The following GRAMD2B variants were observed in gnomAD, a reference collection of about 807,000 sequenced individuals.
GRAMD2B encodes GRAM domain-containing protein 2B.
Under a neutral mutation model 59.2 loss-of-function variants are expected in GRAMD2B, and 41 were observed. That is an observed-to-expected ratio of 0.69 (90% CI 0.54 to 0.90). GRAMD2B has a LOEUF of 0.90. Among genes scored for constraint, GRAMD2B ranks in the 40% least tolerant of loss-of-function variants. The pLI, the probability that GRAMD2B is intolerant of heterozygous loss-of-function variation, is 0.00. For missense variants in GRAMD2B, 424 were observed against 500.5 expected (o/e 0.85, Z 1.46); for synonymous variants, 161 against 182.7 (o/e 0.88, Z 0.96).
chr5:126,394,353 G>A (rs1269907663), intron 1 of GRAMD2B, among the ~76,000 whole-genome samples: 3 of 152,084 alleles, frequency 2.0e-5, no homozygotes. Flanking sequence ...AGAAAGTAGG[G>A]CATGAGTATC....
intron 1 of GRAMD2B, among the ~76,000 whole-genome samples, chr5:126,381,388 T>C (rs1013906114): frequency 6.6e-6 from 1 of 152,148 alleles, no homozygotes; most frequent in Non-Finnish European, 1.5e-5. Flanking sequence ...TTCCTGGTTT[T>C]GGTACTGGGG....
At chr5:126,381,667 A>G (rs1755668342) in intron 1 of GRAMD2B, among the ~76,000 whole-genome samples, 1 of 152,038 alleles carries the variant, frequency 6.6e-6, no homozygotes, top group Non-Finnish European at 1.5e-5. Context: ...TTTTAACTGG[A>G]GCATTTAGGC....
intron 1 of GRAMD2B, among the ~76,000 whole-genome samples, chr5:126,415,172 G>T (rs952127397): frequency 8.5e-5 from 13 of 152,120 alleles, no homozygotes; most frequent in African/African-American, 2.7e-4. Flanking sequence ...GGGATGCAGG[G>T]GGTGGACAAT....
At chr5:126,473,734 T>A (rs549344912) in intron 5 of GRAMD2B, among the ~76,000 whole-genome samples, 3 of 152,286 alleles carry the variant, frequency 2.0e-5, no homozygotes, top group African/African-American at 4.8e-5. Context: ...TAAACCAAAA[T>A]CATTTCTTTT....
chr5:126,447,865 T>G (rs185342198), intron 1 of GRAMD2B, among the ~76,000 whole-genome samples: 6 of 136,682 alleles, frequency 4.4e-5, no homozygotes, highest in African/African-American at 1.8e-4. Flanking sequence ...TTTATAATTT[T>G]TTTTTTTTTT....
At chr5:126,375,067 G>C (rs1247338507) in intron 1 of GRAMD2B, among the ~76,000 whole-genome samples, 3 of 151,980 alleles carry the variant, frequency 2.0e-5, no homozygotes. Context: ...CATTTATTTA[G>C]GTTTTCTTTA....
At chr5:126,471,230 C>A (rs1055443353) in intron 3 of GRAMD2B, among the ~76,000 whole-genome samples, 1 of 152,128 alleles carries the variant, frequency 6.6e-6, no homozygotes, top group Non-Finnish European at 1.5e-5. Context: ...TCAGAAGCAT[C>A]CCGTGAGGCA....
rs1255165341 is a variant in GRAMD2B at position 126,483,978 on chromosome 5, G to A, written c.847+404G>A. Among the ~76,000 whole-genome samples, 6 of 152,242 alleles carry A rather than the reference G, an allele frequency of 3.9e-5. No homozygotes were observed. The South Asian group carries it at 1.0e-3, about 26-fold the overall frequency. ...TGAGTAGCTGGGATTACAGGCATGC[G>A]CCATCAAGCCCGGCTAATTTTTGTT... On this transcript the variant is annotated intron_variant, in intron 9 of 13. Transcript: ENST00000285689.
intron 11 of GRAMD2B, 80 bp downstream of exon 11, chr5:126,485,853 C>T: frequency 1.2e-6 from 1 of 805,116 alleles, no homozygotes; most frequent in Non-Finnish European, 2.0e-6. Context: ...ACTGCCAAGA[C>T]CTACTGTAAA....
rs1768152610 is a variant in GRAMD2B at position 126,465,478 on chromosome 5, A to G, written c.136A>G (p.Thr46Ala). ...GAAAAAGAAAGCCTGCAGGTCGCCA[A>G]CAGCCCAATCCCCTACCCCATCTGT... ...EEKKKACRSP[T>A]AQSPTPSVEA... is the part of the protein sequence containing the mutation. Residue 46 changes from threonine (T) to alanine (A), a missense_variant, in exon 2 of 14, where the codon ACA becomes GCA. By Grantham distance (58) the Thr-to-Ala change is moderately conservative. Transcript: ENST00000285689. The G allele has an allele frequency of 5.6e-6, 9 of 1,614,072 alleles. No homozygotes were observed. Among genetic ancestry groups the G allele is most frequent in the Admixed American group, 1.7e-5 (1 of 60,002 alleles).
At chr5:126,472,093 A>T in intron 3 of GRAMD2B, 145 bp from the exon 4 acceptor site, 1 of 620,032 alleles carries the variant, frequency 1.6e-6, no homozygotes, top group Non-Finnish European at 2.9e-6. Flanking sequence ...GTTTTACTGA[A>T]GGCTTGTGTC....
At chr5:126,396,540 G>T (rs994760923) in intron 1 of GRAMD2B, among the ~76,000 whole-genome samples, 5 of 152,142 alleles carry the variant, frequency 3.3e-5, no homozygotes, top group African/African-American at 1.2e-4. Context: ...AGTATTGCAT[G>T]GTGTATATGT....
chr5:126,444,480 G>C (rs1004452003), intron 1 of GRAMD2B, among the ~76,000 whole-genome samples: 4 of 152,154 alleles, frequency 2.6e-5, no homozygotes, highest in Non-Finnish European at 5.9e-5. Context: ...AAGATAAGGG[G>C]ACAGGTGCCC....
intron 12 of GRAMD2B, 81 bp from the exon 13 acceptor site, chr5:126,488,718 T>C: frequency 1.0e-6 from 1 of 956,582 alleles, no homozygotes; most frequent in Admixed American, 2.2e-5. Context: ...AATTTTCTGT[T>C]CAAATAAATT....
In GRAMD2B at chr5:126,423,521, C is replaced by G; in HGVS notation, c.-86C>G. The G allele has an allele frequency of 6.4e-7, 1 of 1,551,752 alleles. No homozygotes were observed. Among genetic ancestry groups the G allele is most frequent in the Non-Finnish European group, 8.7e-7 (1 of 1,150,530 alleles). On this transcript the variant is annotated 5_prime_UTR_variant, in exon 1 of 14. Coordinates refer to ENST00000285689, the MANE Select transcript of GRAMD2B (RefSeq NM_023927.4). ...GAGGGCACGGCGCCGCTTGCTTGGC[C>G]TGCGCACCCGGACCTAGAAGCCGGG...
chr5:126,369,063 A>T (rs542416220), upstream of GRAMD2B, among the ~76,000 whole-genome samples: 24 of 152,026 alleles, frequency 1.6e-4, no homozygotes, highest in Non-Finnish European at 2.8e-4. Context: ...CCTCTACTTC[A>T]CCAACAAACT....
At chr5:126,404,750 A>G (rs1334304441) in intron 1 of GRAMD2B, among the ~76,000 whole-genome samples, 2 of 151,912 alleles carry the variant, frequency 1.3e-5, no homozygotes, top group African/African-American at 4.8e-5. Context: ...AGAGGAGGAG[A>G]GGAAGAGGAG....
intron 1 of GRAMD2B, among the ~76,000 whole-genome samples, chr5:126,462,618 A>C (rs1034853632): frequency 6.6e-6 from 1 of 152,214 alleles, no homozygotes; most frequent in Admixed American, 6.5e-5. Context: ...CACTGTGAGC[A>C]AATGCTGAGC....
chr5:126,479,935 G>GA (rs1291976527), intron 6 of GRAMD2B: 1 of 152,346 alleles, frequency 6.6e-6, no homozygotes, highest in African/African-American at 2.4e-5. Context: ...GTCTCCACTA[G>GA]AAAATCTCCA....
Sources: allele counts gnomAD v4.1 joint callset (sites outside exome capture counted in the v4.1 genomes callset), GRCh38; gene constraint gnomAD v4.1.1; transcripts MANE v1.5; gene names NCBI Gene and HGNC (gene_info 2026-07-23, HGNC 2026-07-21).